The following CERS5 variants were observed in gnomAD, a reference collection of about 807,000 sequenced individuals.
CERS5 encodes LAG1 homolog, ceramide synthase 5.
CERS5 carries 37 observed loss-of-function variants against 58.9 expected under a neutral mutation model. The observed-to-expected ratio is 0.63, with a 90% confidence interval of 0.48 to 0.83. The LOEUF (loss-of-function observed/expected upper bound fraction) is 0.83. CERS5 is among the 40% of genes least tolerant of loss of function. CERS5 has a pLI of 0.00. For missense variants in CERS5, 398 were observed against 489.3 expected (o/e 0.81, Z 1.76); for synonymous variants, 147 against 177.8 (o/e 0.83, Z 1.38).
intron 1 of CERS5, chr12:50,147,511 C>T (rs1305798339): frequency 6.6e-6 from 1 of 151,934 alleles, no homozygotes; most frequent in Non-Finnish European, 1.5e-5. Context: ...GGTTTAGAGA[C>T]CCCTGGGGGA....
chr12:50,153,304 G>A (rs1478516954), intron 1 of CERS5, among the ~76,000 whole-genome samples: 3 of 88,686 alleles, frequency 3.4e-5, no homozygotes, highest in Admixed American at 1.5e-4. Flanking sequence ...TTTCTGAGAC[G>A]GAGTCTCACT....
At chr12:50,162,571 C>A (rs1005364969) in intron 1 of CERS5, among the ~76,000 whole-genome samples, 1 of 151,282 alleles carries the variant, frequency 6.6e-6, no homozygotes, top group African/African-American at 2.4e-5. Context: ...GGAAAGATGA[C>A]TAATTGTCCC....
chr12:50,132,389 C>T (rs1170515171), intron 9 of CERS5, among the ~76,000 whole-genome samples: 1 of 151,172 alleles, frequency 6.6e-6, no homozygotes, highest in Non-Finnish European at 1.5e-5. Flanking sequence ...GCAACAAGAG[C>T]TAAACTCTGT....
intron 1 of CERS5, among the ~76,000 whole-genome samples, chr12:50,149,310 C>A (rs577589623): frequency 6.6e-6 from 1 of 152,278 alleles, no homozygotes; most frequent in East Asian, 1.9e-4. Context: ...CTACTTTCCA[C>A]CTGTAACTCC....
intron 5 of CERS5, 54 bp downstream of exon 5, chr12:50,138,513 C>G: frequency 6.9e-7 from 1 of 1,453,870 alleles, no homozygotes; most frequent in Non-Finnish European, 9.7e-7. Flanking sequence ...GACCCTCACT[C>G]ACTCCACCTT....
At chr12:50,165,802 C>T in intron 1 of CERS5, 1 of 302,454 alleles carries the variant, frequency 3.3e-6, no homozygotes, top group Admixed American at 4.7e-5. Context: ...GAACAGATGT[C>T]CAAGAACCAC....
intron 6 of CERS5, among the ~76,000 whole-genome samples, chr12:50,137,144 C>A (rs1379842029): frequency 1.3e-5 from 2 of 152,108 alleles, no homozygotes; most frequent in African/African-American, 4.8e-5. Flanking sequence ...CAGGTAGACA[C>A]TAATAAAAAG....
At chr12:50,137,441 G>GT (rs1197429440) in intron 6 of CERS5, among the ~76,000 whole-genome samples, 2 of 152,162 alleles carry the variant, frequency 1.3e-5, no homozygotes, top group Non-Finnish European at 2.9e-5. Context: ...ATTCTGACTA[G>GT]TTTCCTGAGC....
chr12:50,146,779 G>A (rs908291992), intron 1 of CERS5, among the ~76,000 whole-genome samples: 1 of 150,564 alleles, frequency 6.6e-6, no homozygotes, highest in Non-Finnish European at 1.5e-5. Flanking sequence ...CCCGGGAGGC[G>A]GAGCTTGCAG....
intron 1 of CERS5, chr12:50,153,915 T>C (rs745681539): frequency 9.7e-5 from 37 of 381,712 alleles, no homozygotes; most frequent in Non-Finnish European, 1.8e-4. Context: ...GACTGCACCA[T>C]TGGACTCCAG....
intron 1 of CERS5, among the ~76,000 whole-genome samples, chr12:50,151,402 A>G (rs1937942850): frequency 6.6e-6 from 1 of 152,170 alleles, no homozygotes; most frequent in Admixed American, 6.6e-5. Context: ...ATTAATGACT[A>G]ATCTCCTTCT....
intron 1 of CERS5, chr12:50,165,412 C>G (rs1939766972): frequency 6.9e-6 from 1 of 145,766 alleles, no homozygotes. Flanking sequence ...GAGCGAGACT[C>G]CGTCTCAAAA....
intron 5 of CERS5, among the ~76,000 whole-genome samples, chr12:50,138,152 C>A (rs1470997944): frequency 2.6e-5 from 4 of 152,192 alleles, no homozygotes; most frequent in African/African-American, 9.6e-5. Context: ...TTCTCTTCCA[C>A]CCCTTTAGCA....
intron 2 of CERS5, chr12:50,143,509 G>T (rs543885578): frequency 1.5e-4 from 44 of 303,146 alleles, no homozygotes; most frequent in Non-Finnish European, 2.5e-4. Context: ...ATTTTTGAAG[G>T]CTGAGGGCCG....
chr12:50,143,194 T>A lies in CERS5; in HGVS notation c.314A>T (p.Lys105Met). The change falls in exon 3 of 10, where the codon AAG becomes ATG. Residue 105 changes from lysine to methionine, a missense_variant. By Grantham distance (95) the Lys-to-Met change is moderately conservative (BLOSUM62 -1). Around this residue, in one of 3 missense-constraint regions of CERS5, gnomAD observed 328 missense variants for 384.5 expected, o/e 0.85. Coordinates refer to ENST00000317551, the MANE Select transcript of CERS5 (RefSeq NM_147190.5). ...CTTTGACAGGCCCTCCAGCCTTTTC[T>A]TATCAGGATACTGTGAATGTATAAC... ...VFISITKYPD[K>M]KRLEGLSKQL... 1.9e-6 allele frequency: 3 copies of A among 1,614,112 alleles called. No individual in the cohort carries two copies. The highest frequency in any genetic ancestry group is 2.5e-6 in the Non-Finnish European group (3 of 1,180,018).
At position 50,135,753 on chromosome 12, in the gene CERS5, C is replaced by T. The variant is rs953964494; in HGVS notation, c.851G>A (p.Arg284Gln). 1.1e-5 allele frequency: 17 copies of T among 1,612,842 alleles called. No homozygotes were observed. Among genetic ancestry groups the T allele is most frequent in the African/African-American group, 2.7e-5 (2 of 74,844 alleles). Residue 284 changes from arginine (R) to glutamine (Q), a missense_variant, in exon 8 of 10, where the codon CGA (arginine) becomes CAA (glutamine). Coordinates refer to ENST00000317551, the MANE Select transcript of CERS5 (RefSeq NM_147190.5). ...TTACCAGAATGGATAGATTCCTAGT[C>T]GTGTAACCATAAAAACAGCACTGAA... ...VIFSAVFMVT[R>Q]LGIYPFWILN... is the part of the protein sequence containing the mutation.
chr12:50,165,548 A>C (rs895144477), intron 1 of CERS5: 5 of 152,676 alleles, frequency 3.3e-5, no homozygotes, highest in African/African-American at 1.2e-4. Flanking sequence ...TTGCACTTGA[A>C]CGTCTGGCAG....
At chr12:50,137,667 T>C (rs1363481002) in intron 6 of CERS5, 61 bp downstream of exon 6, 3 of 915,006 alleles carry the variant, frequency 3.3e-6, no homozygotes, top group Non-Finnish European at 5.3e-6. Flanking sequence ...ATGGCAGTCA[T>C]GGAAGCTGCT....
chr12:50,162,740 A>G (rs2138286618), intron 1 of CERS5, among the ~76,000 whole-genome samples: 1 of 152,062 alleles, frequency 6.6e-6, no homozygotes, highest in South Asian at 2.1e-4. Flanking sequence ...AGTAGCTGGG[A>G]TTATAGGCAC....
Sources: gnomAD v4.1 joint callset for allele counts (sites outside exome capture counted in the v4.1 genomes callset) on GRCh38, gnomAD v4.1.1 for gene constraint, gnomAD v4.1.1 regional missense constraint, MANE v1.5 for transcripts, NCBI Gene and HGNC (gene_info 2026-07-23, HGNC 2026-07-21) for gene names.